The following SEC23B variants were observed in gnomAD, a reference collection of about 807,000 sequenced individuals.
The protein encoded by SEC23B is SEC23 homolog B, COPII component.
Under a neutral mutation model 104.3 loss-of-function variants are expected in SEC23B, and 77 were observed. The ratio of observed to expected loss-of-function variants is 0.74; its 90% CI spans 0.61 to 0.89. The LOEUF is 0.89. SEC23B is among the 40% of genes least tolerant of loss of function. SEC23B has a pLI of 0.00. For synonymous variants in SEC23B, 338 were observed against 332.5 expected (o/e 1.02, Z -0.18); for missense variants, 885 against 949.4 (o/e 0.93, Z 0.89).
chr20:18,536,187 C>T (rs894672431), intron 12 of SEC23B, among the ~76,000 whole-genome samples: 1 of 152,110 alleles, frequency 6.6e-6, no homozygotes, highest in Non-Finnish European at 1.5e-5. Flanking sequence ...GGGTTCAGTT[C>T]CAGACTACCA....
intron 14 of SEC23B, among the ~76,000 whole-genome samples, chr20:18,544,354 T>G (rs1466685272): frequency 6.6e-6 from 1 of 152,170 alleles, no homozygotes; most frequent in Admixed American, 6.5e-5. Flanking sequence ...TCTTTAGGAT[T>G]TCAGAGGGAG....
intron 4 of SEC23B, among the ~76,000 whole-genome samples, chr20:18,521,389 C>T (rs930526030): frequency 2.0e-5 from 3 of 152,066 alleles, no homozygotes; most frequent in Non-Finnish European, 4.4e-5. Flanking sequence ...GACAGTAAAG[C>T]GTCTAAGGGT....
rs1475180928 is a variant in SEC23B at position 18,513,484 on chromosome 20, C to A, written c.279+1202C>A. 2.0e-5 allele frequency among the ~76,000 whole-genome samples: 3 copies of A among 152,108 alleles called. No individual in the cohort carries two copies. In the East Asian group the frequency reaches 5.8e-4, roughly 29 times the overall value. Reference sequence around the variant, plus strand: ...TGAATTTTATGTTGCGTAAACTATACCTCAATAAAGTTGTTAGAAAAAATT... The same window carrying A: ...TGAATTTTATGTTGCGTAAACTATAACTCAATAAAGTTGTTAGAAAAAATT... On this transcript the variant is annotated intron_variant, in intron 3 of 19. Coordinates refer to ENST00000650089, the MANE Select transcript of SEC23B (RefSeq NM_006363.6).
intron 3 of SEC23B, among the ~76,000 whole-genome samples, chr20:18,514,339 T>C (rs1568598214): frequency 1.3e-5 from 2 of 152,300 alleles, no homozygotes; most frequent in Admixed American, 6.5e-5. Context: ...TCTGTAGTCA[T>C]AGATCGAGCT....
intron 4 of SEC23B, among the ~76,000 whole-genome samples, chr20:18,520,364 G>A (rs1023483479): frequency 3.3e-5 from 5 of 152,152 alleles, no homozygotes; most frequent in Non-Finnish European, 7.3e-5. Context: ...CGGGGTAAGA[G>A]TGATTAGGTT....
chr20:18,559,058 C>T (rs2122193223), intron 19 of SEC23B, among the ~76,000 whole-genome samples: 1 of 123,858 alleles, frequency 8.1e-6, no homozygotes, highest in Admixed American at 9.7e-5. Context: ...TCTTACACTA[C>T]TCTGACAGGG....
In SEC23B at chr20:18,532,648, C is replaced by A. The variant is rs115383613; in HGVS notation, c.1234-16C>A. 19 of 1,587,398 alleles carry A rather than the reference C, an allele frequency of 1.2e-5. No homozygotes were observed. The African/African-American group carries it at 2.1e-4, about 18-fold the overall frequency. The stretch of plus-strand genomic sequence containing the variant: ...GAAGTGATCTTTAACTTTACACTGT[C>A]ACATATTTGTTATAGACCTCTCGGG... On this transcript the variant is annotated splice_polypyrimidine_tract_variant and intron_variant, in intron 10 of 19. Coordinates refer to ENST00000650089, the MANE Select transcript of SEC23B (RefSeq NM_006363.6).
chr20:18,536,737 T>G (rs1205202691), intron 12 of SEC23B, among the ~76,000 whole-genome samples: 1 of 151,978 alleles, frequency 6.6e-6, no homozygotes, highest in African/African-American at 2.4e-5. Context: ...CCCCAAAACT[T>G]AACTACTAGT....
At position 18,511,050 on chromosome 20, in the gene SEC23B, C is replaced by T; in HGVS notation, c.215C>T (p.Pro72Leu). 1.2e-6 allele frequency: 2 copies of T among 1,608,558 alleles called. No individual in the cohort carries two copies. The highest frequency in any genetic ancestry group is 1.1e-5 in the South Asian group (1 of 90,926). ...CCAACTTGTAAAGCTGTTCTCAACC[C>T]ACTTTGGTATGGATTCTTTTGAAAC... ...SRPTCKAVLN[P>L]LCQVDYRAKL... The change falls in exon 2 of 20, where the codon CCA becomes CTA. Residue 72 changes from proline to leucine, a missense_variant. Physicochemically the swap from Pro to Leu is moderately conservative, Grantham distance 98 (BLOSUM62 -3). Transcript: ENST00000650089.
At chr20:18,539,033 G>C in intron 12 of SEC23B, among the ~76,000 whole-genome samples, 1 of 126,798 alleles carries the variant, frequency 7.9e-6, no homozygotes, top group Middle Eastern at 5.2e-3. Flanking sequence ...GTGAAACCCC[G>C]TCTCTACTAA....
chr20:18,508,759 G>T (rs970105983), intron 1 of SEC23B, among the ~76,000 whole-genome samples: 3 of 119,086 alleles, frequency 2.5e-5, no homozygotes, highest in Non-Finnish European at 4.8e-5. Flanking sequence ...TCGCTCTGTC[G>T]CCCAGGCTGG....
chr20:18,513,357 A>T (rs1305127933), intron 3 of SEC23B, among the ~76,000 whole-genome samples: 2 of 152,050 alleles, frequency 1.3e-5, no homozygotes, highest in Non-Finnish European at 2.9e-5. Context: ...AAAAAAAAAA[A>T]GTAACTGTGC....
At chr20:18,540,645 C>T (rs201459714) in intron 12 of SEC23B, among the ~76,000 whole-genome samples, 2 of 152,164 alleles carry the variant, frequency 1.3e-5, no homozygotes, top group African/African-American at 4.8e-5. Flanking sequence ...TGCTTGATCT[C>T]AGGAGCTCAA....
chr20:18,530,660 A>AT lies in SEC23B; in HGVS notation c.1110-13dup, dbSNP rs778287875. The AT allele has an allele frequency of 3.8e-5, 62 of 1,611,428 alleles. No individual in the cohort carries two copies. Among genetic ancestry groups the AT allele is most frequent in the Non-Finnish European group, 5.0e-5 (59 of 1,178,274 alleles). The stretch of plus-strand genomic sequence containing the variant: ...TTTCAATCTTCCTAATATTCACTTG[A>AT]TTTTTTTCTTCTTACCTAGAGGCTA... On this transcript the variant is annotated intron_variant, in intron 9 of 19. Coordinates refer to ENST00000650089, the MANE Select transcript of SEC23B (RefSeq NM_006363.6).
intron 3 of SEC23B, 110 bp downstream of exon 3, chr20:18,512,392 G>T: frequency 1.5e-6 from 1 of 683,930 alleles, no homozygotes; most frequent in South Asian, 1.7e-5. Context: ...AGTTTCTGCT[G>T]AACTCAGGGT....
intron 9 of SEC23B, among the ~76,000 whole-genome samples, chr20:18,528,238 A>AAG (rs2060150904): frequency 6.6e-6 from 1 of 152,208 alleles, no homozygotes; most frequent in Non-Finnish European, 1.5e-5. Flanking sequence ...GGGCACATGA[A>AAG]AGTGTAGGAA....
intron 17 of SEC23B, among the ~76,000 whole-genome samples, 199 bp from the exon 18 acceptor site, chr20:18,554,036 A>G (rs542940636): frequency 3.3e-5 from 5 of 152,170 alleles, no homozygotes; most frequent in Non-Finnish European, 7.3e-5. Flanking sequence ...TCCTGGGGGA[A>G]TGCGCAGGCG....
At chr20:18,513,801 A>T (rs1258801549) in intron 3 of SEC23B, among the ~76,000 whole-genome samples, 1 of 152,258 alleles carries the variant, frequency 6.6e-6, no homozygotes, top group African/African-American at 2.4e-5. Flanking sequence ...TATTATAGTA[A>T]TTCTAAGGCA....
intron 18 of SEC23B, among the ~76,000 whole-genome samples, chr20:18,554,843 T>G (rs1465698171): frequency 2.7e-5 from 3 of 109,998 alleles, no homozygotes; most frequent in Admixed American, 8.6e-5. Context: ...AAAAAAAAAA[T>G]GAGTGGTCAA....
Sources: gnomAD v4.1 joint callset for allele counts (sites outside exome capture counted in the v4.1 genomes callset) on GRCh38, gnomAD v4.1.1 for gene constraint, MANE v1.5 for transcripts, NCBI Gene and HGNC (gene_info 2026-07-23, HGNC 2026-07-21) for gene names.